DDX60L: variants seen among roughly 807,000 people sequenced by gnomAD.
The protein encoded by DDX60L is DExD/H-box 60 like, also known as probable ATP-dependent RNA helicase DDX60-like.
Under a neutral mutation model 211.6 loss-of-function variants are expected in DDX60L, and 191 were observed. The observed-to-expected ratio is 0.90, with a 90% CI of 0.80 to 1.02. The LOEUF (loss-of-function observed/expected upper bound fraction) is 1.02, where lower values mean the gene tolerates loss of function less well. Ranked by LOEUF, DDX60L falls within the 50% of genes least tolerant of loss-of-function variation. DDX60L has a pLI of 0.00. For synonymous variants in DDX60L, 706 were observed against 694.1 expected (o/e 1.02, Z -0.27); for missense variants, 2,007 against 1,984.1 (o/e 1.01, Z -0.22).
chr4:168,378,784 C>G (rs1255618090), intron 32 of DDX60L, among the ~76,000 whole-genome samples: 1 of 152,068 alleles, frequency 6.6e-6, no homozygotes, highest in Non-Finnish European at 1.5e-5. Context: ...TGAGAGTGAT[C>G]AGCCTTTCCA....
chr4:168,449,637 C>A (rs201961769), intron 8 of DDX60L, among the ~76,000 whole-genome samples: 618 of 44,604 alleles, frequency 0.014, 6 homozygotes, highest in African/African-American at 0.037. Flanking sequence ...AACATTAAAA[C>A]AAAAAAAAAA....
In DDX60L at chr4:168,415,958, C is replaced by T. The variant is rs181429415; in HGVS notation, c.2727-159G>A. 5.9e-5 allele frequency among the ~76,000 whole-genome samples: 9 copies of T among 152,252 alleles called. No individual in the cohort carries two copies. The East Asian group carries it at 1.5e-3, about 26-fold the overall frequency. ...TGACTTCAGAGCTGTGGACTTTGGG[C>T]AAATTCCTCAGCTTCTCTATGCCTC... On this transcript the variant is annotated intron_variant, in intron 20 of 37. Coordinates refer to ENST00000682922, the MANE Select transcript of DDX60L (RefSeq NM_001012967.3).
chr4:168,390,491 T>C, intron 29 of DDX60L: 1 of 1,393,466 alleles, frequency 7.2e-7, no homozygotes, highest in Non-Finnish European at 9.3e-7. Context: ...CTCTGTAAAA[T>C]CACAGTCTTC....
At position 168,405,998 on chromosome 4, in the gene DDX60L, G is replaced by C; in HGVS notation, c.3165C>G (p.Asn1055Lys). The C allele has an allele frequency of 6.3e-7, 1 of 1,599,224 alleles. No homozygotes were observed. The highest frequency in any genetic ancestry group is 1.3e-5 in the African/African-American group (1 of 74,530). Residue 1055 changes from asparagine to lysine, a missense_variant, in exon 24 of 38, where the codon AAC becomes AAG. Coordinates refer to ENST00000682922, the MANE Select transcript of DDX60L (RefSeq NM_001012967.3). ...TCCAATTTGTCAATTCTGCCTTTAA[G>C]TTTTCTTCATATTTTCTAGCATCCA... ...KKLDARKYEE[N>K]LKAELTNWIK...
rs1373413952 is a variant in DDX60L, at chr4:168,422,660, T to A, written c.2108A>T (p.Asp703Val). Residue 703 changes from aspartate to valine, a missense_variant, in exon 16 of 38, where the codon GAC (aspartate) becomes GTC (valine). Asp to Val is a radical substitution (Grantham distance 152, BLOSUM62 -3). Transcript: ENST00000682922. ...NSLDPTLIGD[D>V]KNKKKYSIDI... ...AATCGAATATTTCTTCTTATTTTTG[T>A]CATCTCCTATCTGTTATTTTAATAT... The A allele has an allele frequency of 6.3e-7, 1 of 1,591,272 alleles. No homozygotes were observed. The highest frequency in any genetic ancestry group is 8.6e-7 in the Non-Finnish European group (1 of 1,167,608).
chr4:168,448,744 T>TA lies in DDX60L; in HGVS notation c.1031dup (p.Leu344PhefsTer16), dbSNP rs768435921. ...TCAGATTCCAGCATCCAAAAACGTT[T>TA]AAGTTGCTTAAAATGAAATATTCAC... On this transcript the variant is annotated frameshift_variant, in exon 9 of 38. Transcript: ENST00000682922. LOFTEE classifies it high-confidence loss of function. 6.2e-7 allele frequency: 1 copy of TA among 1,606,646 alleles called. No homozygotes were observed. Among genetic ancestry groups the TA allele is most frequent in the Non-Finnish European group, 8.5e-7 (1 of 1,174,740 alleles).
At position 168,379,535 on chromosome 4, in the gene DDX60L, C is replaced by T. The variant is rs1465762219; in HGVS notation, c.4222-31G>A. 5 of 1,486,578 alleles carry T rather than the reference C, an allele frequency of 3.4e-6. No individual in the cohort carries two copies. In the East Asian group the frequency reaches 9.4e-5, roughly 28 times the overall value. 92.1% of individuals were successfully genotyped at this position (1,486,578 alleles called of 1,614,324 possible). A position where few individuals can be genotyped will look rare whatever the true frequency, so the allele number is the denominator to read the frequency against. On this transcript the variant is annotated intron_variant, in intron 31 of 37. Coordinates refer to ENST00000682922, the MANE Select transcript of DDX60L (RefSeq NM_001012967.3). ...AATGAGAAACAAAAAGTTGATTTAA[C>T]TTGTCATGTACTCAAATACCATAAA... is the stretch of plus-strand genomic sequence containing the variant.
intron 5 of DDX60L, among the ~76,000 whole-genome samples, chr4:168,459,857 T>A (rs1436000320): frequency 7.9e-6 from 1 of 127,188 alleles, no homozygotes; most frequent in African/African-American, 2.9e-5. Flanking sequence ...AAGAGAAGTC[T>A]AAAGTTCAAA....
intron 4 of DDX60L, among the ~76,000 whole-genome samples, chr4:168,466,322 G>A (rs1456089137): frequency 1.3e-5 from 2 of 151,974 alleles, no homozygotes; most frequent in Non-Finnish European, 2.9e-5. Flanking sequence ...GAAGAGGGAA[G>A]ACACAACTTA....
At chr4:168,399,816 T>A (rs924019096) in intron 26 of DDX60L, among the ~76,000 whole-genome samples, 8 of 152,218 alleles carry the variant, frequency 5.3e-5, no homozygotes, top group Non-Finnish European at 1.2e-4. Flanking sequence ...ACCCCAAGCA[T>A]ACGATTGGTA....
At chr4:168,478,271 C>T (rs1333744179) in intron 1 of DDX60L, among the ~76,000 whole-genome samples, 2 of 150,072 alleles carry the variant, frequency 1.3e-5, no homozygotes, top group East Asian at 3.9e-4. Flanking sequence ...AGCCTTGCTG[C>T]AAGTATTAGG....
chr4:168,414,722 T>G (rs1040966327), intron 22 of DDX60L, among the ~76,000 whole-genome samples: 5 of 152,040 alleles, frequency 3.3e-5, no homozygotes, highest in African/African-American at 4.8e-5. Context: ...TAGATGGAAT[T>G]GGATGTCACT....
chr4:168,401,612 T>C (rs1746826996), intron 25 of DDX60L, among the ~76,000 whole-genome samples: 1 of 152,198 alleles, frequency 6.6e-6, no homozygotes. Context: ...CATATGTCCA[T>C]TTACCATGAT....
Position 168,379,748 on chromosome 4 carries a change from G to A in DDX60L, c.4199C>T (p.Ser1400Phe). Residue 1400 changes from serine (S) to phenylalanine (F), a missense_variant, in exon 31 of 38, where the codon TCC becomes TTC. Coordinates refer to ENST00000682922, the MANE Select transcript of DDX60L (RefSeq NM_001012967.3). ...TACCTCTTTGATAAGGAGCTGCAAGGAAAACAAAAAGTAAAGTTTCAAAGT... is the reference window on the plus strand; with the variant it reads ...TACCTCTTTGATAAGGAGCTGCAAGAAAAACAAAAAGTAAAGTTTCAAAGT... The part of the protein sequence containing the change: ...METLKLYFLF[S>F]LQLLIKEDYL... 2 of 1,612,810 alleles carry A rather than the reference G, an allele frequency of 1.2e-6. No homozygotes were observed. Among genetic ancestry groups the A allele is most frequent in the Non-Finnish European group, 1.7e-6 (2 of 1,179,286 alleles).
At chr4:168,437,207 A>C (rs2465254) in intron 10 of DDX60L, among the ~76,000 whole-genome samples, 112,494 of 152,148 alleles carry the variant, frequency 0.74, 42,912 homozygotes, top group East Asian at 0.91. Flanking sequence ...TTATTTTGAA[A>C]TAGGGTCTTT....
chr4:168,428,271 CCTTAAATAGCTCTAG>C (rs1372293535), intron 13 of DDX60L, among the ~76,000 whole-genome samples: 1 of 151,988 alleles, frequency 6.6e-6, no homozygotes, highest in Non-Finnish European at 1.5e-5. Context: ...CTGGATGGAC[CCTTAAATAGCTCTAG>C]GAGAGAGACC....
At chr4:168,378,549 T>C in intron 32 of DDX60L, 74 bp from the exon 33 acceptor site, 1 of 1,236,990 alleles carries the variant, frequency 8.1e-7, no homozygotes, top group Non-Finnish European at 1.1e-6. Flanking sequence ...AATTTGTTTT[T>C]ATAGTACATT....
intron 6 of DDX60L, 44 bp from the exon 7 acceptor site, chr4:168,456,196 T>C (rs1756549712): frequency 7.9e-7 from 1 of 1,266,628 alleles, no homozygotes; most frequent in African/African-American, 1.6e-5. Flanking sequence ...TATTTAGAAA[T>C]ATTCTTTTAC....
At chr4:168,443,045 G>C (rs1348663811) in intron 9 of DDX60L, among the ~76,000 whole-genome samples, 1 of 152,150 alleles carries the variant, frequency 6.6e-6, no homozygotes, top group Non-Finnish European at 1.5e-5. Context: ...TTGATGAGCT[G>C]AGAGAAGAAG....
Sources: gnomAD v4.1 joint callset for allele counts (sites outside exome capture counted in the v4.1 genomes callset) on GRCh38, gnomAD v4.1.1 for gene constraint, MANE v1.5 for transcripts, NCBI Gene and HGNC (gene_info 2026-07-23, HGNC 2026-07-21) for gene names.